AKAP13: variants seen among roughly 807,000 people sequenced by gnomAD.
AKAP13 encodes A-kinase anchor protein 13.
Under a neutral mutation model 264.5 loss-of-function variants are expected in AKAP13, and 80 were observed. The observed-to-expected ratio is 0.30, with a 90% CI of 0.25 to 0.36. The LOEUF is 0.36. AKAP13 is among the 10% of genes least tolerant of loss of function. The pLI is 1.00. For synonymous variants in AKAP13, 1,380 were observed against 1,250.2 expected (o/e 1.10, Z -2.19); for missense variants, 3,712 against 3,435.2 (o/e 1.08, Z -2.01).
At chr15:85,406,394 T>C (rs1186666373) in intron 1 of AKAP13, among the ~76,000 whole-genome samples, 1 of 95,328 alleles carries the variant, frequency 1.0e-5, no homozygotes, top group East Asian at 2.3e-4. Context: ...GACTAGAAAA[T>C]AGTTTTTTTT....
chr15:85,647,581 A>G (rs1250501028), intron 10 of AKAP13, among the ~76,000 whole-genome samples: 1 of 151,738 alleles, frequency 6.6e-6, no homozygotes, highest in African/African-American at 2.4e-5. Flanking sequence ...CTTATTTAAT[A>G]TGATGCAAAC....
intron 1 of AKAP13, among the ~76,000 whole-genome samples, chr15:85,443,671 T>A (rs895857858): frequency 6.6e-6 from 1 of 152,134 alleles, no homozygotes; most frequent in Non-Finnish European, 1.5e-5. Context: ...TGCTGTCTTA[T>A]ATGCGGTTCG....
At chr15:85,520,803 T>G (rs376882996) in intron 2 of AKAP13, 335 of 482,254 alleles carry the variant, frequency 6.9e-4, no homozygotes, top group Admixed American at 2.8e-3. Flanking sequence ...AATGTGGTAT[T>G]AGGTGATTTT....
chr15:85,590,433 A>C (rs961632588), intron 8 of AKAP13, among the ~76,000 whole-genome samples: 3 of 152,204 alleles, frequency 2.0e-5, no homozygotes, highest in African/African-American at 4.8e-5. Context: ...ATACAAACTG[A>C]GGAGTAATTT....
chr15:85,692,676 A>G (rs1027824654), intron 16 of AKAP13, among the ~76,000 whole-genome samples: 2 of 152,236 alleles, frequency 1.3e-5, no homozygotes, highest in African/African-American at 4.8e-5. Flanking sequence ...TACAAACCTT[A>G]AAATTCTAAT....
At chr15:85,664,777 T>C in intron 13 of AKAP13, 22 bp downstream of exon 13, 1 of 1,593,626 alleles carries the variant, frequency 6.3e-7, no homozygotes, top group Non-Finnish European at 8.6e-7. Flanking sequence ...ATATGTCTAA[T>C]TTGGAAAAAA....
At chr15:85,450,606 A>G (rs1283702159) in intron 1 of AKAP13, among the ~76,000 whole-genome samples, 1 of 151,998 alleles carries the variant, frequency 6.6e-6, no homozygotes, top group East Asian at 1.9e-4. Flanking sequence ...CCTTAATTTC[A>G]TTATTTACCT....
intron 5 of AKAP13, among the ~76,000 whole-genome samples, chr15:85,561,819 C>T (rs1344897553): frequency 6.6e-6 from 1 of 152,192 alleles, no homozygotes; most frequent in Non-Finnish European, 1.5e-5. Context: ...TGACCATAGA[C>T]GCCATGGACT....
intron 2 of AKAP13, among the ~76,000 whole-genome samples, chr15:85,499,836 C>T (rs2075992932): frequency 6.6e-6 from 1 of 152,156 alleles, no homozygotes; most frequent in South Asian, 2.1e-4. Flanking sequence ...ACTTCAGATG[C>T]ACATTTGTAT....
chr15:85,722,926 G>C, intron 25 of AKAP13, 146 bp from the exon 26 acceptor site: 1 of 1,035,364 alleles, frequency 9.7e-7, no homozygotes, highest in Non-Finnish European at 1.4e-6. Flanking sequence ...AAGAAGGATA[G>C]GCACATGATC....
chr15:85,501,174 T>C (rs920823346), intron 2 of AKAP13, among the ~76,000 whole-genome samples: 3 of 152,224 alleles, frequency 2.0e-5, no homozygotes, highest in African/African-American at 7.2e-5. Flanking sequence ...AAGTGTATTA[T>C]TGTGTAGTTT....
Position 85,664,548 on chromosome 15 carries a change from G to C in AKAP13, c.4800-15G>C, listed in dbSNP as rs1235382223. On this transcript the variant is annotated splice_polypyrimidine_tract_variant and intron_variant, in intron 12 of 36. Coordinates refer to ENST00000394518, the MANE Select transcript of AKAP13 (RefSeq NM_007200.5). The stretch of plus-strand genomic sequence containing the variant: ...CCAGAAATAGAATGAATTAACTTTT[G>C]TGCCCTATGTTCAGTTTCAGTCTAG... 3 of 1,585,770 alleles carry C rather than the reference G, an allele frequency of 1.9e-6. No individual in the cohort carries two copies. Among genetic ancestry groups the C allele is most frequent in the Admixed American group, 3.6e-5 (2 of 56,210 alleles).
chr15:85,577,815 G>C, intron 6 of AKAP13: 10 of 985,294 alleles, frequency 1.0e-5, no homozygotes, highest in Non-Finnish European at 1.2e-5. Context: ...CCCATAACTC[G>C]ATGGTTAAGT....
intron 1 of AKAP13, among the ~76,000 whole-genome samples, chr15:85,472,987 G>T (rs557727307): frequency 2.0e-5 from 3 of 152,136 alleles, no homozygotes; most frequent in Non-Finnish European, 4.4e-5. Context: ...CTGCTAAATA[G>T]TACCCTTTCC....
At chr15:85,693,141 T>G in intron 16 of AKAP13, 136 bp from the exon 17 acceptor site, 1 of 1,352,992 alleles carries the variant, frequency 7.4e-7, no homozygotes, top group East Asian at 2.9e-5. Context: ...CAAAACACTT[T>G]GCCCAGAACT....
intron 2 of AKAP13, among the ~76,000 whole-genome samples, chr15:85,511,831 T>A (rs719138): frequency 2.0e-5 from 3 of 152,160 alleles, no homozygotes; most frequent in African/African-American, 7.2e-5. Flanking sequence ...ACATTTATTA[T>A]TTTTTTAGAT....
intron 1 of AKAP13, among the ~76,000 whole-genome samples, chr15:85,409,723 T>C (rs149074103): frequency 1.3e-5 from 2 of 148,708 alleles, no homozygotes; most frequent in African/African-American, 2.5e-5. Flanking sequence ...CTCCGCCTCC[T>C]GGGTACACGC....
chr15:85,743,586 C>G lies in AKAP13; in HGVS notation c.8153C>G (p.Ser2718Ter). The G allele has an allele frequency of 6.2e-7, 1 of 1,614,176 alleles. No individual in the cohort carries two copies. The highest frequency in any genetic ancestry group is 1.3e-5 in the African/African-American group (1 of 75,032). Residue 2718 changes from serine (S) to a stop codon, truncating the protein, a stop_gained, in exon 36 of 37, where the codon TCA becomes TGA. Transcript: ENST00000394518. LOFTEE classifies it high-confidence loss of function. ...PSPSAPSIAK[S>*]GSLDSELSVS... ...CCATCTGCACCTTCCATAGCCAAAT[C>G]AGGGTCATTGGACTCAGAACTTTCA...
chr15:85,402,120 G>A (rs1297051816), intron 1 of AKAP13, among the ~76,000 whole-genome samples: 1 of 152,096 alleles, frequency 6.6e-6, no homozygotes, highest in South Asian at 2.1e-4. Context: ...TTTTTGTTTG[G>A]TTCTTTGTTG....
Sources: gnomAD v4.1 joint callset for allele counts (sites outside exome capture counted in the v4.1 genomes callset) on GRCh38, gnomAD v4.1.1 for gene constraint, MANE v1.5 for transcripts, NCBI Gene and HGNC (gene_info 2026-07-23, HGNC 2026-07-21) for gene names.